The following KDM4B variants were observed in gnomAD, a reference collection of about 807,000 sequenced individuals.
The protein encoded by KDM4B is lysine demethylase 4B.
A neutral mutation model predicts 125.2 loss-of-function variants in KDM4B; 32 were observed. The ratio of observed to expected loss-of-function variants is 0.26; its 90% CI spans 0.19 to 0.34. The LOEUF (loss-of-function observed/expected upper bound fraction) is 0.34, where lower values mean the gene tolerates loss of function less well. Among genes scored for constraint, KDM4B ranks in the 10% least tolerant of loss-of-function variants. The pLI is 1.00. For missense variants in KDM4B, 1,190 were observed against 1,577.7 expected, an observed-to-expected ratio of 0.75 and a Z score of 4.16; for synonymous variants, 721 against 677.9, an observed-to-expected ratio of 1.06 and a Z score of -0.99.
At chr19:5,028,145 A>G (rs923097136) in intron 2 of KDM4B, among the ~76,000 whole-genome samples, 4 of 151,682 alleles carry the variant, frequency 2.6e-5, no homozygotes, top group African/African-American at 7.3e-5. Context: ...CTAATTTTTT[A>G]TTTTAATTTT....
chr19:5,103,453 G>A (rs972663787), intron 9 of KDM4B, among the ~76,000 whole-genome samples: 2 of 152,216 alleles, frequency 1.3e-5, no homozygotes, highest in African/African-American at 4.8e-5. Context: ...GTCCTCTGAG[G>A]CCTGCGTCAA....
At chr19:5,027,750 A>G (rs1025977046) in intron 2 of KDM4B, among the ~76,000 whole-genome samples, 1 of 152,096 alleles carries the variant, frequency 6.6e-6, no homozygotes, top group African/African-American at 2.4e-5. Context: ...GGTGCTGGCC[A>G]GGCTGGTCAC....
intron 1 of KDM4B, among the ~76,000 whole-genome samples, chr19:5,014,437 T>C (rs909205679): frequency 2.6e-5 from 4 of 152,202 alleles, no homozygotes; most frequent in African/African-American, 9.6e-5. Flanking sequence ...CCACCACGCC[T>C]GGCTAATTTT....
Position 4,971,786 on chromosome 19 carries a change from A to G in KDM4B, c.-109+2556A>G, listed in dbSNP as rs553383289. On this transcript the variant is annotated intron_variant, in intron 1 of 22. Coordinates refer to ENST00000159111, the MANE Select transcript of KDM4B (RefSeq NM_015015.3). This position sits in a 1 kb window ranked among gnomAD's most constrained non-coding sequence, Gnocchi z 4.1. Reference sequence around the variant, plus strand: ...TGTTGAGGGCCTGAGGTGCATTTGTAGGTGGCTTTGTTCCCTGGATCGGGG... The same window carrying G: ...TGTTGAGGGCCTGAGGTGCATTTGTGGGTGGCTTTGTTCCCTGGATCGGGG... Among the ~76,000 whole-genome samples, 1 of 152,262 alleles carries G rather than the reference A, an allele frequency of 6.6e-6. No individual in the cohort carries two copies. The highest frequency in any genetic ancestry group is 1.9e-4 in the East Asian group (1 of 5,182).
intron 3 of KDM4B, among the ~76,000 whole-genome samples, chr19:5,036,592 AC>A (rs1293157295): frequency 6.6e-6 from 1 of 151,732 alleles, no homozygotes; most frequent in Non-Finnish European, 1.5e-5. Flanking sequence ...CAGCTATACC[AC>A]CCGCCGGCAT....
intron 7 of KDM4B, among the ~76,000 whole-genome samples, chr19:5,071,677 G>A (rs950536869): frequency 3.3e-5 from 5 of 152,208 alleles, no homozygotes; most frequent in East Asian, 3.8e-4. Context: ...CAGGTTGTGG[G>A]ATACTTGGAA....
At position 5,137,671 on chromosome 19, in the gene KDM4B, TAGG is replaced by T. The variant is rs1231991589; in HGVS notation, c.2440_2441+1del. On this transcript the variant is annotated inframe_deletion and splice_region_variant, in exon 17 of 23. Coordinates refer to ENST00000159111, the MANE Select transcript of KDM4B (RefSeq NM_015015.3). ...GAGGTGCGCTGCAGATGACCACCGA[TAGG>T]AGGTGGGTGGCACCGCGCGTTGGGG... 1.3e-6 allele frequency: 2 copies of T among 1,589,126 alleles called. No homozygotes were observed. The highest frequency in any genetic ancestry group is 1.7e-5 in the Admixed American group (1 of 58,092).
At chr19:5,111,797 G>A (rs751348106) in intron 10 of KDM4B, 23 of 765,080 alleles carry the variant, frequency 3.0e-5, no homozygotes, top group Admixed American at 6.8e-5. Context: ...GTGTCTCGAC[G>A]TCTCGACTCC....
chr19:5,104,502 A>C (rs1228355622), intron 9 of KDM4B, among the ~76,000 whole-genome samples: 4 of 151,024 alleles, frequency 2.6e-5, no homozygotes, highest in Non-Finnish European at 5.9e-5. Context: ...TTTTTCCAGC[A>C]ACTAAAATCT....
Position 5,131,806 on chromosome 19 carries a change from C to CCG in KDM4B, c.1786-80_1786-79dup, listed in dbSNP as rs939537406. ...AGAGGAGACTCAGGCCTCAGGCACG[C>CCG]CGAGCCCCTGTGTGGCTCCGAGGGA... On this transcript the variant is annotated intron_variant, in intron 12 of 22. Coordinates refer to ENST00000159111, the MANE Select transcript of KDM4B (RefSeq NM_015015.3). 1.9e-6 allele frequency: 3 copies of CCG among 1,585,824 alleles called. No individual in the cohort carries two copies. The African/African-American group carries it at 4.1e-5, about 21-fold the overall frequency.
chr19:5,151,328 C>A lies in KDM4B; in HGVS notation c.3115-7C>A. The A allele has an allele frequency of 6.5e-7, 1 of 1,532,618 alleles. No homozygotes were observed. Among genetic ancestry groups the A allele is most frequent in the East Asian group, 2.5e-5 (1 of 40,254 alleles). 94.9% of individuals were successfully genotyped at this position (1,532,618 alleles called of 1,614,324 possible). A position where few individuals can be genotyped will look rare whatever the true frequency, so the allele number is the denominator to read the frequency against. On this transcript the variant is annotated splice_polypyrimidine_tract_variant and splice_region_variant and intron_variant, in intron 22 of 22. Coordinates refer to ENST00000159111, the MANE Select transcript of KDM4B (RefSeq NM_015015.3). ...GTGCTAACCACTGTGCTTCCGCTCT[C>A]CCGCAGTCACTGAGCACGGGGGCAC...
At chr19:5,017,968 C>T (rs1180001336) in intron 2 of KDM4B, among the ~76,000 whole-genome samples, 1 of 152,018 alleles carries the variant, frequency 6.6e-6, no homozygotes, top group African/African-American at 2.4e-5. Context: ...TCTCCATTTC[C>T]TGACTCGTGA....
rs190143986 is a variant in KDM4B at position 5,128,476 on chromosome 19, G to A, written c.1316-2600G>A. Among the ~76,000 whole-genome samples, 243 of 152,342 alleles carry A rather than the reference G, an allele frequency of 1.6e-3. 1 individual carries two copies. The highest frequency in any genetic ancestry group is 5.7e-3 in the African/African-American group (236 of 41,582). On this transcript the variant is annotated intron_variant, in intron 11 of 22. Coordinates refer to ENST00000159111, the MANE Select transcript of KDM4B (RefSeq NM_015015.3). The stretch of plus-strand genomic sequence containing the variant: ...TCCCCGGTGAGGCTGGATGGGCACC[G>A]CAGCCTGCAGTCCTGAGTGAGGCTG...
At chr19:5,038,878 C>T (rs902479722) in intron 3 of KDM4B, among the ~76,000 whole-genome samples, 4 of 152,282 alleles carry the variant, frequency 2.6e-5, no homozygotes, top group Admixed American at 2.0e-4. Context: ...TGCGCCTGCA[C>T]TTCCTGTTGG....
At chr19:4,984,589 C>T (rs2034764780) in intron 1 of KDM4B, among the ~76,000 whole-genome samples, 1 of 152,146 alleles carries the variant, frequency 6.6e-6, no homozygotes, top group Non-Finnish European at 1.5e-5. Flanking sequence ...TACGCCTCGT[C>T]AGGTTTTCTG....
At chr19:5,047,778 C>G in intron 6 of KDM4B, 109 bp downstream of exon 6, 2 of 1,081,694 alleles carry the variant, frequency 1.8e-6, no homozygotes, top group Non-Finnish European at 2.7e-6. Flanking sequence ...CCAGGTGAGG[C>G]CGCAAAGGTC....
At chr19:5,008,525 CCTT>C (rs2035629448) in intron 1 of KDM4B, among the ~76,000 whole-genome samples, 1 of 152,018 alleles carries the variant, frequency 6.6e-6, no homozygotes, top group Admixed American at 6.6e-5. Flanking sequence ...GAGACTACAG[CCTT>C]CTTAGTTGAG....
At chr19:5,090,467 T>G (rs2038666324) in intron 9 of KDM4B, among the ~76,000 whole-genome samples, 1 of 41,742 alleles carries the variant, frequency 2.4e-5, no homozygotes, top group Non-Finnish European at 4.4e-5. Flanking sequence ...TCTCCGCCTC[T>G]TTCTCTCCCC....
At position 5,110,604 on chromosome 19, in the gene KDM4B, C is replaced by T. The variant is rs963388960; in HGVS notation, c.919-18C>T. On this transcript the variant is annotated intron_variant, in intron 9 of 22. Transcript: ENST00000159111. ...TCCAGGTGTGGCGCGAGGGCTCAGACCGTGTCCCCTGCCGCAGTGCACGTG... is the reference window on the plus strand; with the variant it reads ...TCCAGGTGTGGCGCGAGGGCTCAGATCGTGTCCCCTGCCGCAGTGCACGTG... The T allele has an allele frequency of 1.2e-6, 2 of 1,612,492 alleles. No individual in the cohort carries two copies. The highest frequency in any genetic ancestry group is 1.7e-6 in the Non-Finnish European group (2 of 1,179,680).
Sources: gnomAD v4.1 joint callset for allele counts (sites outside exome capture counted in the v4.1 genomes callset) on GRCh38, gnomAD v4.1.1 for gene constraint, Gnocchi (gnomAD v3.1) non-coding constraint, MANE v1.5 for transcripts, NCBI Gene and HGNC (gene_info 2026-07-23, HGNC 2026-07-21) for gene names.